Variants in TRDN observed in about 807,000 individuals in gnomAD.
The protein encoded by TRDN is triadin in skeletal muscle.
Under a neutral mutation model 149.7 loss-of-function variants are expected in TRDN, and 161 were observed. That is an observed-to-expected ratio of 1.08 (90% CI 0.95 to 1.23). The LOEUF (loss-of-function observed/expected upper bound fraction) is 1.23, where lower values mean the gene tolerates loss of function less well. TRDN is among the 50% of genes most tolerant of loss of function. TRDN has a pLI of 0.00. For missense variants in TRDN, 896 were observed against 823.5 expected (o/e 1.09, Z -1.08); for synonymous variants, 294 against 250.5 (o/e 1.17, Z -1.64).
chr6:123,445,130 G>A (rs1775234301), intron 10 of TRDN: 1 of 151,356 alleles, frequency 6.6e-6, no homozygotes, highest in African/African-American at 2.4e-5. Context: ...GTAGAATTTG[G>A]CTGTGAATCC....
intron 12 of TRDN, among the ~76,000 whole-genome samples, chr6:123,428,066 G>A (rs781084459): frequency 1.3e-5 from 2 of 152,116 alleles, no homozygotes; most frequent in Admixed American, 6.6e-5. Flanking sequence ...ACTTCTTGAA[G>A]AGAGTACTTA....
At chr6:123,352,414 G>T (rs1780495683) in intron 21 of TRDN, 125 bp downstream of exon 21, 1 of 1,424,638 alleles carries the variant, frequency 7.0e-7, no homozygotes, top group Non-Finnish European at 9.2e-7. Flanking sequence ...AAACATGCAA[G>T]GACAGTGATA....
chr6:123,402,991 G>T (rs542479206), intron 12 of TRDN, among the ~76,000 whole-genome samples: 1 of 152,154 alleles, frequency 6.6e-6, no homozygotes, highest in African/African-American at 2.4e-5. Flanking sequence ...ATATTGAGTA[G>T]ACATTTGAAG....
intron 21 of TRDN, among the ~76,000 whole-genome samples, chr6:123,338,444 C>G (rs1779951783): frequency 6.6e-6 from 1 of 152,130 alleles, no homozygotes; most frequent in African/African-American, 2.4e-5. Flanking sequence ...GTGACACCTG[C>G]TTTGGGAAAT....
At chr6:123,354,160 A>G (rs186414954) in intron 20 of TRDN, among the ~76,000 whole-genome samples, 2 of 151,914 alleles carry the variant, frequency 1.3e-5, no homozygotes, top group East Asian at 1.9e-4. Flanking sequence ...GGCAACCACA[A>G]TTCTGGTTAT....
chr6:123,309,203 T>C (rs539921046), intron 24 of TRDN, among the ~76,000 whole-genome samples: 150 of 152,094 alleles, frequency 9.9e-4, no homozygotes, highest in African/African-American at 3.5e-3. Context: ...TTTAGTCTTC[T>C]AAGCCCCCAT....
At chr6:123,631,384 T>C (rs1194304566) in intron 1 of TRDN, among the ~76,000 whole-genome samples, 1 of 152,034 alleles carries the variant, frequency 6.6e-6, no homozygotes, top group African/African-American at 2.4e-5. Context: ...CCATGACCTA[T>C]CTCAAAAACA....
chr6:123,630,027 G>A (rs112845034), intron 1 of TRDN, among the ~76,000 whole-genome samples: 1,615 of 152,050 alleles, frequency 0.011, 16 homozygotes, highest in Non-Finnish European at 0.017. Flanking sequence ...AGGGCAGGTG[G>A]GAACTGGAGA....
intron 9 of TRDN, among the ~76,000 whole-genome samples, chr6:123,472,849 G>C (rs1392363420): frequency 1.3e-5 from 2 of 152,016 alleles, no homozygotes; most frequent in Non-Finnish European, 2.9e-5. Context: ...CACCTCACAC[G>C]GCAGGGTATT....
At chr6:123,276,581 T>C (rs371171129) in intron 26 of TRDN, among the ~76,000 whole-genome samples, 1 of 152,194 alleles carries the variant, frequency 6.6e-6, no homozygotes, top group East Asian at 1.9e-4. Flanking sequence ...CAGTGTGCCA[T>C]GGAGATAGAG....
chr6:123,550,350 T>C (rs931698814), intron 2 of TRDN, among the ~76,000 whole-genome samples: 1 of 151,960 alleles, frequency 6.6e-6, no homozygotes, highest in Non-Finnish European at 1.5e-5. Context: ...GCACCAGATA[T>C]CAGGTTAATA....
chr6:123,530,007 A>G (rs1229781464), intron 5 of TRDN, among the ~76,000 whole-genome samples: 1 of 152,032 alleles, frequency 6.6e-6, no homozygotes, highest in Non-Finnish European at 1.5e-5. Flanking sequence ...ATTAATCATC[A>G]TGCTGTCACT....
intron 13 of TRDN, among the ~76,000 whole-genome samples, chr6:123,389,951 C>A (rs965770024): frequency 6.6e-6 from 1 of 152,076 alleles, no homozygotes; most frequent in African/African-American, 2.4e-5. Context: ...GAGTTTGACT[C>A]AACAGACTTT....
chr6:123,350,592 A>G (rs780084183), intron 21 of TRDN: 61 of 717,084 alleles, frequency 8.5e-5, no homozygotes, highest in Non-Finnish European at 1.0e-4. Context: ...ATAGAATGTC[A>G]TTATTACTTC....
chr6:123,460,020 T>A (rs1055233721), intron 10 of TRDN, among the ~76,000 whole-genome samples: 1 of 152,214 alleles, frequency 6.6e-6, no homozygotes, highest in Non-Finnish European at 1.5e-5. Context: ...AGTATTCTCC[T>A]AAATTTGTCT....
chr6:123,590,180 C>G (rs1445681342), intron 1 of TRDN, among the ~76,000 whole-genome samples: 1 of 152,168 alleles, frequency 6.6e-6, no homozygotes, highest in East Asian at 1.9e-4. Context: ...AACACTTTAT[C>G]TGTATTTACA....
intron 33 of TRDN, among the ~76,000 whole-genome samples, chr6:123,262,605 T>G (rs1228368430): frequency 6.6e-6 from 1 of 152,080 alleles, no homozygotes; most frequent in Non-Finnish European, 1.5e-5. Flanking sequence ...TTAATTGCAA[T>G]TCTCAGGTAT....
chr6:123,560,550 T>C (rs1010543577), intron 2 of TRDN, among the ~76,000 whole-genome samples: 1 of 152,120 alleles, frequency 6.6e-6, no homozygotes, highest in Admixed American at 6.5e-5. Flanking sequence ...CTTATCCTGA[T>C]AAGGTAGCTA....
chr6:123,582,343 C>T (rs960386021), intron 1 of TRDN, among the ~76,000 whole-genome samples: 10 of 152,040 alleles, frequency 6.6e-5, no homozygotes, highest in African/African-American at 2.2e-4. Context: ...ATTTCATGCG[C>T]GTCCGTGTGA....
Sources: allele counts gnomAD v4.1 joint callset (sites outside exome capture counted in the v4.1 genomes callset), GRCh38; gene constraint gnomAD v4.1.1; transcripts MANE v1.5; gene names NCBI Gene and HGNC (gene_info 2026-07-23, HGNC 2026-07-21).